FBXL5: variants seen among roughly 807,000 people sequenced by gnomAD.
The protein encoded by FBXL5 is F-box/LRR-repeat protein 5.
In FBXL5, 26 loss-of-function variants were observed where a neutral mutation model predicts 78.3. The observed-to-expected ratio is 0.33, with a 90% CI of 0.24 to 0.46. The LOEUF (loss-of-function observed/expected upper bound fraction) is 0.46. Among genes scored for constraint, FBXL5 ranks in the 20% least tolerant of loss-of-function variants. FBXL5 has a pLI of 1.00. For missense variants in FBXL5, 710 were observed against 829.2 expected (o/e 0.86, Z 1.77); for synonymous variants, 295 against 282.5 (o/e 1.04, Z -0.45).
chr4:15,643,559 C>T (rs982555255), intron 2 of FBXL5, among the ~76,000 whole-genome samples: 2 of 118,672 alleles, frequency 1.7e-5, no homozygotes, highest in Non-Finnish European at 3.7e-5. Context: ...GCGCCTGCCA[C>T]TATGTCTGGC....
chr4:15,660,634 C>T (rs779425948), upstream of FBXL5, among the ~76,000 whole-genome samples: 52 of 152,258 alleles, frequency 3.4e-4, no homozygotes, highest in Non-Finnish European at 5.9e-4. Context: ...TTCATTTCCT[C>T]GACTGTAAAG....
At chr4:15,663,291 CA>C (rs1241369766), upstream of FBXL5, among the ~76,000 whole-genome samples, 5 of 152,176 alleles carry the variant, frequency 3.3e-5, no homozygotes, top group African/African-American at 1.2e-4. Context: ...ACATAGTAGC[CA>C]TTCAATAAAT....
chr4:15,662,391 A>G (rs1392927844), upstream of FBXL5, among the ~76,000 whole-genome samples: 2 of 152,216 alleles, frequency 1.3e-5, no homozygotes, highest in Admixed American at 1.3e-4. Flanking sequence ...ATAAACTATG[A>G]AAAAGAGTAA....
intron 4 of FBXL5, among the ~76,000 whole-genome samples, 189 bp downstream of exon 4, chr4:15,638,319 T>C (rs1419901075): frequency 1.3e-5 from 2 of 152,238 alleles, no homozygotes; most frequent in Non-Finnish European, 2.9e-5. Context: ...TAAATTATCA[T>C]GCACAACACT....
rs371343552 is a variant in FBXL5 at position 15,680,117 on chromosome 4, G to GAA, written c.-284+1264_-284+1265dup. On this transcript the variant is annotated intron_variant, in intron 1 of 4. Coordinates refer to the FBXL5 transcript ENST00000507899. ...ATATCCAGAATATACAGTAAAACAG[G>GAA]AAAAAAAAAAACATGAACAATGCAG... 8.6e-3 allele frequency among the ~76,000 whole-genome samples: 1,240 copies of GAA among 144,312 alleles called. 14 individuals are homozygous for GAA. The highest frequency in any genetic ancestry group is 0.03 in the African/African-American group (1,186 of 39,612). 94.7% of individuals were successfully genotyped at this position (144,312 alleles called of 152,430 possible).
intron 9 of FBXL5, among the ~76,000 whole-genome samples, chr4:15,613,810 T>C (rs1054029179): frequency 6.6e-6 from 1 of 150,762 alleles, no homozygotes; most frequent in African/African-American, 2.4e-5. Context: ...TATAAATTTC[T>C]CTGGGGATTT....
intron 1 of FBXL5, among the ~76,000 whole-genome samples, chr4:15,673,937 T>A (rs1421070146): frequency 6.6e-6 from 1 of 152,258 alleles, no homozygotes; most frequent in African/African-American, 2.4e-5. Context: ...CAAGGTTCAC[T>A]GTCCTTCATT....
chr4:15,656,461 T>A (rs1055475782), upstream of FBXL5: 6 of 353,966 alleles, frequency 1.7e-5, no homozygotes, highest in South Asian at 1.3e-4. Flanking sequence ...GTGTTCACCC[T>A]TGTTCTCTAT....
chr4:15,624,631 C>T (rs1712828514), intron 9 of FBXL5, among the ~76,000 whole-genome samples: 1 of 150,108 alleles, frequency 6.7e-6, no homozygotes, highest in Non-Finnish European at 1.5e-5. Context: ...GTTTAATCTG[C>T]TGAAGATTAT....
intron 1 of FBXL5, among the ~76,000 whole-genome samples, chr4:15,674,284 C>T (rs1255355316): frequency 6.7e-6 from 1 of 149,976 alleles, no homozygotes; most frequent in Non-Finnish European, 1.5e-5. Context: ...TTGTTCATTG[C>T]TAAGTGGCAT....
chr4:15,611,441 T>C (rs901533691), intron 10 of FBXL5, among the ~76,000 whole-genome samples: 3 of 152,044 alleles, frequency 2.0e-5, no homozygotes, highest in African/African-American at 4.8e-5. Flanking sequence ...GACAGGTACA[T>C]AGTAGTCTGA....
chr4:15,634,335 T>C (rs570510690), intron 5 of FBXL5, among the ~76,000 whole-genome samples: 1 of 151,512 alleles, frequency 6.6e-6, no homozygotes, highest in Non-Finnish European at 1.5e-5. Context: ...ATTACAGGCA[T>C]GTGCCACCAT....
chr4:15,647,214 C>T (rs1347125216), intron 1 of FBXL5, among the ~76,000 whole-genome samples: 5 of 87,568 alleles, frequency 5.7e-5, no homozygotes, highest in South Asian at 9.0e-4. Context: ...CAAAGCAAGA[C>T]TCCATCTCAA....
At chr4:15,673,345 G>A (rs532997412) in intron 1 of FBXL5, among the ~76,000 whole-genome samples, 1 of 152,260 alleles carries the variant, frequency 6.6e-6, no homozygotes, top group South Asian at 2.1e-4. Flanking sequence ...GGAGGCTGAG[G>A]TGGGAGGATC....
At chr4:15,641,424 G>T (rs907248273) in intron 2 of FBXL5, 2 of 355,018 alleles carry the variant, frequency 5.6e-6, no homozygotes, top group Non-Finnish European at 1.1e-5. Context: ...AGACAATGAG[G>T]ATAAAGACAT....
chr4:15,640,378 C>A (rs1196286848), intron 3 of FBXL5, among the ~76,000 whole-genome samples: 2 of 92,054 alleles, frequency 2.2e-5, no homozygotes, highest in African/African-American at 4.1e-5. Flanking sequence ...CATTTAAATA[C>A]TAAACTACAC....
intron 7 of FBXL5, 111 bp downstream of exon 7, chr4:15,627,774 C>CT: frequency 1.0e-6 from 1 of 974,028 alleles, no homozygotes; most frequent in Non-Finnish European, 1.5e-6. Context: ...GGAAGGCACT[C>CT]AATAATCATT....
chr4:15,679,299 G>A (rs1382787684), intron 1 of FBXL5, among the ~76,000 whole-genome samples: 3 of 151,948 alleles, frequency 2.0e-5, no homozygotes, highest in Non-Finnish European at 4.4e-5. Context: ...TGATCCACCC[G>A]CTTCGGCCTC....
At chr4:15,663,792 A>T (rs1717416274), upstream of FBXL5, among the ~76,000 whole-genome samples, 3 of 152,206 alleles carry the variant, frequency 2.0e-5, no homozygotes, top group African/African-American at 7.2e-5. Flanking sequence ...AGTAAGTCCA[A>T]AAGTGAACTC....
Sources: allele counts gnomAD v4.1 joint callset (sites outside exome capture counted in the v4.1 genomes callset), GRCh38; gene constraint gnomAD v4.1.1; transcripts MANE v1.5; gene names NCBI Gene and HGNC (gene_info 2026-07-23, HGNC 2026-07-21).